Variants in SP100 observed in about 807,000 individuals in gnomAD.
SP100 encodes nuclear autoantigen Sp-100.
SP100 carries 84 observed loss-of-function variants against 130.0 expected under a neutral mutation model. The ratio of observed to expected loss-of-function variants is 0.65; its 90% confidence interval spans 0.54 to 0.77. SP100 has a LOEUF of 0.77. SP100 is among the 30% of genes least tolerant of loss of function. The pLI is 0.00. For synonymous variants in SP100, 331 were observed against 351.7 expected (o/e 0.94, Z 0.66); for missense variants, 978 against 1,052.2 (o/e 0.93, Z 0.97).
chr2:230,525,769 C>T (rs766770668), intron 24 of SP100, among the ~76,000 whole-genome samples: 16 of 152,380 alleles, frequency 1.1e-4, no homozygotes, highest in Non-Finnish European at 2.1e-4. Context: ...CAGCAGGTCC[C>T]GCACCCACAG....
In SP100 at chr2:230,508,032, G is replaced by T; in HGVS notation, c.2052+1G>T. ...AGAACCACCAAGCACAAGAAAAAAG[G>T]TGATGATCAAGTGATCTTCTGCCAA... On this transcript the variant is annotated splice_donor_variant, in intron 23 of 28. Coordinates refer to ENST00000340126, the MANE Select transcript of SP100 (RefSeq NM_001080391.2). LOFTEE classifies it high-confidence loss of function. 6.2e-7 allele frequency: 1 copy of T among 1,613,064 alleles called. No individual in the cohort carries two copies. The highest frequency in any genetic ancestry group is 1.1e-5 in the South Asian group (1 of 90,934).
chr2:230,446,135 G>A (rs2063701070), intron 4 of SP100, among the ~76,000 whole-genome samples: 2 of 152,156 alleles, frequency 1.3e-5, no homozygotes, highest in African/African-American at 4.8e-5. Flanking sequence ...TTTTGAGACA[G>A]TTCCAATCTG....
chr2:230,436,438 TGTTCTCATGATAATGAGTGA>T (rs142329427), intron 2 of SP100, among the ~76,000 whole-genome samples: 12,028 of 152,160 alleles, frequency 0.079, 623 homozygotes, highest in Non-Finnish European at 0.1. Flanking sequence ...TCACCCATTC[TGTTCTCATGATAATGAGTGA>T]GTTCTCATGA....
rs766969067 is a variant in SP100, at chr2:230,502,020, C to A, written c.1721-1046C>A. 1.1e-3 allele frequency among the ~76,000 whole-genome samples: 166 copies of A among 151,490 alleles called. 1 individual carries two copies. Among genetic ancestry groups the A allele is most frequent in the Middle Eastern group, 6.8e-3 (2 of 294 alleles). On this transcript the variant is annotated intron_variant, in intron 19 of 28. Coordinates refer to ENST00000340126, the MANE Select transcript of SP100 (RefSeq NM_001080391.2). ...AGTAGCTGGGATTACAGGCACATAC[C>A]ACCACACCCAGCTTTTTTTTTTTTT...
Position 230,441,901 on chromosome 2 carries a change from T to G in SP100, c.108-1036T>G, listed in dbSNP as rs73998808. ...AAAGCATCCATCCCCTATCTGCTATTGCAACTAGCACTTTTCTGACCACTT... is the reference window on the plus strand; with the variant it reads ...AAAGCATCCATCCCCTATCTGCTATGGCAACTAGCACTTTTCTGACCACTT... On this transcript the variant is annotated intron_variant, in intron 2 of 28. Coordinates refer to ENST00000340126, the MANE Select transcript of SP100 (RefSeq NM_001080391.2). Among the ~76,000 whole-genome samples, 166 of 152,324 alleles carry G rather than the reference T, an allele frequency of 1.1e-3. 1 individual carries two copies. The highest frequency in any genetic ancestry group is 3.7e-3 in the African/African-American group (155 of 41,564).
At chr2:230,498,736 T>C (rs1051322711) in intron 19 of SP100, among the ~76,000 whole-genome samples, 1 of 152,156 alleles carries the variant, frequency 6.6e-6, no homozygotes, top group Non-Finnish European at 1.5e-5. Flanking sequence ...TCTGCAACCA[T>C]ACCCCAGGGC....
intron 15 of SP100, among the ~76,000 whole-genome samples, chr2:230,471,347 G>T (rs1388186820): frequency 1.3e-5 from 2 of 152,100 alleles, no homozygotes; most frequent in African/African-American, 4.8e-5. Flanking sequence ...TTGTCAGTCC[G>T]TTTAAGCTCT....
Position 230,466,292 on chromosome 2 carries a change from A to G in SP100, c.1142-9A>G. ...TACAAATAACGGGTTTCTCCCTTTT[A>G]CTTTACAGAGCCCATGGATTTCAGA... On this transcript the variant is annotated splice_polypyrimidine_tract_variant and intron_variant, in intron 11 of 28. Coordinates refer to ENST00000340126, the MANE Select transcript of SP100 (RefSeq NM_001080391.2). 6.5e-7 allele frequency: 1 copy of G among 1,545,976 alleles called. No individual in the cohort carries two copies. Among genetic ancestry groups the G allele is most frequent in the Non-Finnish European group, 8.9e-7 (1 of 1,123,538 alleles).
intron 4 of SP100, 50 bp from the exon 5 acceptor site, chr2:230,446,769 C>A: frequency 8.6e-7 from 1 of 1,165,076 alleles, no homozygotes; most frequent in Non-Finnish European, 1.3e-6. Flanking sequence ...CAGACATTGT[C>A]CCTGGTCCCT....
intron 25 of SP100, 121 bp downstream of exon 25, chr2:230,539,503 C>A: frequency 1.5e-6 from 1 of 653,334 alleles, no homozygotes; most frequent in Non-Finnish European, 2.7e-6. Context: ...GCATAAGGAG[C>A]AGGCTCCTTA....
At chr2:230,472,520 G>A (rs1037238958) in intron 15 of SP100, among the ~76,000 whole-genome samples, 3 of 149,170 alleles carry the variant, frequency 2.0e-5, no homozygotes, top group African/African-American at 7.4e-5. Flanking sequence ...GTAGAAAGAA[G>A]TTCACCTCAA....
At position 230,507,848 on chromosome 2, in the gene SP100, T is replaced by C. The variant is rs571643176; in HGVS notation, c.2014-145T>C. On this transcript the variant is annotated intron_variant, in intron 22 of 28. Transcript: ENST00000340126. ...GCTTCCTTGAATCCCTGGAGAATCA[T>C]GAAAAGTAATTTCCATGAAAATACC... 23 of 703,148 alleles carry C rather than the reference T, an allele frequency of 3.3e-5. No individual in the cohort carries two copies. In the African/African-American group the frequency reaches 3.8e-4, roughly 12 times the overall value. The allele number at this position is 703,148 out of a possible 1,614,324, so 43.6% of individuals were successfully genotyped here.
intron 5 of SP100, 77 bp downstream of exon 5, chr2:230,446,979 G>T: frequency 1.2e-6 from 1 of 842,106 alleles, no homozygotes; most frequent in Non-Finnish European, 1.9e-6. Context: ...TGTGAATCAG[G>T]GAAGACATAT....
intron 19 of SP100, among the ~76,000 whole-genome samples, chr2:230,498,930 TAC>T (rs1482815179): frequency 1.3e-5 from 2 of 152,216 alleles, no homozygotes; most frequent in East Asian, 1.9e-4. Context: ...CCAAGTAAAT[TAC>T]AGTTTACTCA....
At chr2:230,494,544 A>T (rs969338892) in intron 18 of SP100, 84 bp downstream of exon 18, 1 of 1,021,798 alleles carries the variant, frequency 9.8e-7, no homozygotes, top group Admixed American at 1.8e-5. Flanking sequence ...CTGCAGCCTC[A>T]GAATCTCCTA....
Position 230,539,317 on chromosome 2 carries a change from C to T in SP100, c.2145C>T (p.Phe715=), listed in dbSNP as rs377032175. The T allele has an allele frequency of 6.5e-5, 105 of 1,613,934 alleles. No homozygotes were observed. The highest frequency in any genetic ancestry group is 8.6e-5 in the Non-Finnish European group (102 of 1,179,924). ...TGTGCAACAAATGGGGACGGCTGTT[C>T]TGCTGCGACACTTGTCCAAGATCCT... is the stretch of plus-strand genomic sequence containing the variant. ...CEVCNKWGRL[F]CCDTCPRSFH... Residue 715 remains phenylalanine (F), a synonymous_variant, in exon 25 of 29, where the codon TTC becomes TTT. Transcript: ENST00000340126.
chr2:230,474,464 A>C lies in SP100; in HGVS notation c.1600+17A>C, dbSNP rs1045494407. On this transcript the variant is annotated intron_variant, in intron 17 of 28. Transcript: ENST00000340126. ...GGAAAAGAAGTAAGAACAAATAAGA[A>C]TTTACTTAATTTTTATGTTACAAAT... 8.7e-7 allele frequency: 1 copy of C among 1,151,556 alleles called. No individual in the cohort carries two copies. The highest frequency in any genetic ancestry group is 1.6e-5 in the African/African-American group (1 of 64,028). 71.3% of individuals were successfully genotyped at this position (1,151,556 alleles called of 1,614,324 possible).
intron 9 of SP100, among the ~76,000 whole-genome samples, chr2:230,461,633 G>C (rs2149965084): frequency 6.6e-6 from 1 of 152,186 alleles, no homozygotes; most frequent in South Asian, 2.1e-4. Flanking sequence ...TAATCAGTAA[G>C]AATGTCAGAG....
chr2:230,417,577 A>C lies in SP100; in HGVS notation c.33-14A>C. The C allele has an allele frequency of 1.2e-6, 2 of 1,609,580 alleles. No homozygotes were observed. Among genetic ancestry groups the C allele is most frequent in the Non-Finnish European group, 1.7e-6 (2 of 1,178,638 alleles). On this transcript the variant is annotated splice_polypyrimidine_tract_variant and intron_variant, in intron 1 of 28. Transcript: ENST00000340126. ...TCCAGTTATTTACTTGGTCCTGCCA[A>C]ATTGTCTTTCTAGGAGGCTGAATGA...
Sources: allele counts gnomAD v4.1 joint callset (sites outside exome capture counted in the v4.1 genomes callset), GRCh38; gene constraint gnomAD v4.1.1; transcripts MANE v1.5; gene names NCBI Gene and HGNC (gene_info 2026-07-23, HGNC 2026-07-21).